The following QTMAN variants were observed in gnomAD, a reference collection of about 807,000 sequenced individuals.
The protein encoded by QTMAN is tRNA-queuosine alpha-mannosyltransferase.
At chr2:144,199,476 T>G in the QTMAN span, among the ~76,000 whole-genome samples, 2 of 152,254 alleles carry the variant, frequency 1.3e-5, no homozygotes, top group South Asian at 2.1e-4. Context: ...TAGAGAGAGA[T>G]AGCTAACATG....
chr2:144,003,562 C>T, the QTMAN span, among the ~76,000 whole-genome samples: 1 of 151,962 alleles, frequency 6.6e-6, no homozygotes, highest in Admixed American at 6.6e-5. Context: ...AAACAAATTA[C>T]TCTGCAGAGA....
the QTMAN span, among the ~76,000 whole-genome samples, chr2:144,229,372 C>A: frequency 6.6e-6 from 1 of 152,174 alleles, no homozygotes; most frequent in Non-Finnish European, 1.5e-5. Flanking sequence ...ATTACACATT[C>A]CAAAAACATT....
the QTMAN span, among the ~76,000 whole-genome samples, chr2:144,254,077 C>G: frequency 6.6e-6 from 1 of 152,224 alleles, no homozygotes; most frequent in Non-Finnish European, 1.5e-5. Flanking sequence ...CAAGCCCCAG[C>G]CTTGGTAGCT....
chr2:143,994,743 AG>A, the QTMAN span, among the ~76,000 whole-genome samples: 1 of 152,166 alleles, frequency 6.6e-6, no homozygotes, highest in African/African-American at 2.4e-5. Context: ...GGGTGAAAAC[AG>A]GGTTTGACCT....
chr2:143,992,903 G>A, the QTMAN span, among the ~76,000 whole-genome samples: 2 of 152,072 alleles, frequency 1.3e-5, no homozygotes, highest in South Asian at 4.1e-4. Flanking sequence ...TATTTATCAA[G>A]AATAGTAATG....
At chr2:144,180,773 T>TA in the QTMAN span, among the ~76,000 whole-genome samples, 1 of 152,150 alleles carries the variant, frequency 6.6e-6, no homozygotes, top group Admixed American at 6.6e-5. Flanking sequence ...TTTTCCTAGT[T>TA]AAAGTGAGGA....
the QTMAN span, among the ~76,000 whole-genome samples, chr2:144,052,542 G>GGTTTCCTT: frequency 6.6e-6 from 1 of 152,208 alleles, no homozygotes; most frequent in East Asian, 1.9e-4. Context: ...AGGAAACTGA[G>GGTTTCCTT]ACACAGAAAG....
the QTMAN span, among the ~76,000 whole-genome samples, chr2:144,240,046 AGCAATTGACTTCTTC>A: frequency 6.6e-6 from 1 of 152,268 alleles, no homozygotes; most frequent in East Asian, 1.9e-4. Flanking sequence ...TTAAAGAAAC[AGCAATTGACTTCTTC>A]CCTTTGCAAA....
the QTMAN span, among the ~76,000 whole-genome samples, chr2:144,176,522 G>A: frequency 3.3e-5 from 5 of 151,806 alleles, no homozygotes; most frequent in Non-Finnish European, 5.9e-5. Flanking sequence ...AAAACCAAAG[G>A]TATAAAAACT....
the QTMAN span, among the ~76,000 whole-genome samples, chr2:144,300,655 G>T: frequency 6.6e-6 from 1 of 152,130 alleles, no homozygotes; most frequent in Non-Finnish European, 1.5e-5. Flanking sequence ...CTGAATTTAA[G>T]ATATACATAA....
At chr2:144,116,578 A>G in the QTMAN span, among the ~76,000 whole-genome samples, 6 of 152,282 alleles carry the variant, frequency 3.9e-5, no homozygotes, top group African/African-American at 1.4e-4. Context: ...GCCATACCCT[A>G]TGTCTATGAA....
the QTMAN span, among the ~76,000 whole-genome samples, chr2:144,076,246 CA>C: frequency 6.6e-6 from 1 of 151,848 alleles, no homozygotes; most frequent in Non-Finnish European, 1.5e-5. Flanking sequence ...GACTCCACCT[CA>C]AAAGAAAAAA....
chr2:144,102,180 A>C, the QTMAN span, among the ~76,000 whole-genome samples: 1 of 152,208 alleles, frequency 6.6e-6, no homozygotes, highest in East Asian at 1.9e-4. Flanking sequence ...TTCCATTACA[A>C]TATGGGATCT....
the QTMAN span, among the ~76,000 whole-genome samples, chr2:144,072,836 G>A: frequency 6.6e-6 from 1 of 152,170 alleles, no homozygotes; most frequent in Non-Finnish European, 1.5e-5. Flanking sequence ...TTAAAGACAA[G>A]ACTTAAATTT....
the QTMAN span, among the ~76,000 whole-genome samples, chr2:144,323,783 C>T: frequency 1.2e-4 from 18 of 152,142 alleles, 1 homozygote; most frequent in Admixed American, 1.2e-3. Flanking sequence ...ATAACAACAG[C>T]AATTAATATT....
the QTMAN span, among the ~76,000 whole-genome samples, chr2:144,182,801 TATATATAATATATATATTATATATATAA>T: frequency 6.7e-4 from 9 of 13,420 alleles, no homozygotes; most frequent in Non-Finnish European, 3.1e-3. Context: ...ATATATATTA[TATATATAATATATATATTATATATATAA>T]TATATATATA....
the QTMAN span, among the ~76,000 whole-genome samples, chr2:144,191,906 C>T: frequency 1.3e-4 from 20 of 152,106 alleles, no homozygotes; most frequent in African/African-American, 4.8e-4. Flanking sequence ...TCCTCTACCA[C>T]AACTAATATT....
the QTMAN span, among the ~76,000 whole-genome samples, chr2:144,036,300 G>A: frequency 6.6e-6 from 1 of 152,132 alleles, no homozygotes; most frequent in Non-Finnish European, 1.5e-5. Context: ...GTTTCCAAAG[G>A]AAAAGCCTTG....
At chr2:143,971,146 A>T in the QTMAN span, among the ~76,000 whole-genome samples, 1 of 151,860 alleles carries the variant, frequency 6.6e-6, no homozygotes, top group Admixed American at 6.6e-5. Context: ...AGAAAAGACC[A>T]ATCTTCAAAG....
Sources: allele counts gnomAD v4.1 joint callset (sites outside exome capture counted in the v4.1 genomes callset), GRCh38; gene constraint gnomAD v4.1.1; transcripts MANE v1.5; gene names NCBI Gene and HGNC (gene_info 2026-07-23, HGNC 2026-07-21).